The following PPP1R7 variants were observed in gnomAD, a reference collection of about 807,000 sequenced individuals.
PPP1R7 encodes the protein protein phosphatase 1 regulatory subunit 7, also known as protein phosphatase 1 regulatory subunit 22.
PPP1R7 carries 18 observed loss-of-function variants against 45.2 expected under a neutral mutation model. That is an observed-to-expected ratio of 0.40 (90% CI 0.28 to 0.59). The LOEUF (loss-of-function observed/expected upper bound fraction) is 0.59, where lower values mean the gene tolerates loss of function less well. Among genes scored for constraint, PPP1R7 ranks in the 20% least tolerant of loss-of-function variants. PPP1R7 has a pLI of 0.46. For synonymous variants in PPP1R7, 181 were observed against 183.4 expected (o/e 0.99, Z 0.11); for missense variants, 314 against 455.8 (o/e 0.69, Z 2.83).
chr2:241,150,339 G>A (rs2067228352), upstream of PPP1R7: 3 of 1,327,780 alleles, frequency 2.3e-6, no homozygotes. Context: ...CCTCATGACG[G>A]AACTACAACT....
chr2:241,150,501 GGCGGAACGCGGC>G lies in PPP1R7; in HGVS notation c.11_22del (p.Glu4_Ala7del). 1.3e-6 allele frequency: 2 copies of G among 1,598,550 alleles called. No homozygotes were observed. Among genetic ancestry groups the G allele is most frequent in the Non-Finnish European group, 1.7e-6 (2 of 1,173,734 alleles). The stretch of plus-strand genomic sequence containing the variant: ...AAAGGGGAAGAGCAGCCAACATGGC[GGCGGAACGCGGC>G]GCGGGGCAGCAACAGTCGCAGGAGA... On this transcript the variant is annotated inframe_deletion, in exon 1 of 10. Coordinates refer to ENST00000234038, the MANE Select transcript of PPP1R7 (RefSeq NM_002712.3).
At chr2:241,163,201 G>C (rs1232647016) in intron 6 of PPP1R7, 84 bp from the exon 7 acceptor site, 2 of 822,150 alleles carry the variant, frequency 2.4e-6, no homozygotes, top group African/African-American at 1.7e-5. Context: ...AGCCCACATA[G>C]CTCTGCCCCG....
intron 9 of PPP1R7, among the ~76,000 whole-genome samples, chr2:241,176,380 T>C (rs984093084): frequency 2.0e-5 from 3 of 152,208 alleles, no homozygotes; most frequent in Non-Finnish European, 4.4e-5. Context: ...ACTTGAAAAC[T>C]AGGGTGTTCA....
upstream of PPP1R7, chr2:241,149,926 C>A: frequency 7.0e-7 from 1 of 1,431,218 alleles, no homozygotes; most frequent in East Asian, 2.5e-5. Flanking sequence ...TGCCCGCCTG[C>A]TCCGAGCGTC....
At chr2:241,167,159 A>T in intron 8 of PPP1R7, 1 of 1,256,934 alleles carries the variant, frequency 8.0e-7, no homozygotes, top group South Asian at 1.4e-5. Context: ...CAAATAAAAG[A>T]CTTTTTCTCA....
At chr2:241,162,965 C>T (rs1032461782) in intron 6 of PPP1R7, among the ~76,000 whole-genome samples, 1 of 152,162 alleles carries the variant, frequency 6.6e-6, no homozygotes, top group Non-Finnish European at 1.5e-5. Context: ...CCACGCCCGA[C>T]AGGGGGACAT....
upstream of PPP1R7, chr2:241,149,751 G>A: frequency 1.3e-6 from 2 of 1,541,916 alleles, no homozygotes; most frequent in South Asian, 1.2e-5. Context: ...TCTTTCTGAA[G>A]GCGGAGGACG....
rs1373533214 is a variant in PPP1R7, at chr2:241,183,055, C to A, written c.*232C>A. ...GGGTGATTGTTGACAGTTATTGTAG[C>A]CACAGAGAGAACATAAGACACGTTG... On this transcript the variant is annotated 3_prime_UTR_variant, in exon 10 of 10. Transcript: ENST00000234038. 1.4e-5 allele frequency: 8 copies of A among 573,158 alleles called. No individual in the cohort carries two copies. Among genetic ancestry groups the A allele is most frequent in the African/African-American group, 1.3e-4 (7 of 53,338 alleles). The allele number at this position is 573,158 out of a possible 1,614,324, so 35.5% of individuals were successfully genotyped here. A position where few individuals can be genotyped will look rare whatever the true frequency, so the allele number is the denominator to read the frequency against.
intron 9 of PPP1R7, among the ~76,000 whole-genome samples, chr2:241,177,862 C>T (rs992002842): frequency 2.0e-5 from 3 of 152,228 alleles, no homozygotes; most frequent in South Asian, 2.1e-4. Context: ...TGTCTGATGC[C>T]GGCATGGAGC....
At chr2:241,174,337 A>G (rs1174445290) in intron 9 of PPP1R7, among the ~76,000 whole-genome samples, 3 of 152,162 alleles carry the variant, frequency 2.0e-5, no homozygotes, top group Non-Finnish European at 4.4e-5. Flanking sequence ...TAGTTCTTCG[A>G]CCAGCCTTTA....
chr2:241,180,013 T>TA (rs2067972541), intron 9 of PPP1R7, among the ~76,000 whole-genome samples: 1 of 152,196 alleles, frequency 6.6e-6, no homozygotes, highest in African/African-American at 2.4e-5. Flanking sequence ...CCATCTAGAC[T>TA]AATAATGACA....
intron 9 of PPP1R7, among the ~76,000 whole-genome samples, chr2:241,180,427 A>T (rs981461316): frequency 2.6e-5 from 4 of 151,630 alleles, no homozygotes; most frequent in Non-Finnish European, 4.4e-5. Context: ...AAATCGCAAA[A>T]AAATCTCAAA....
upstream of PPP1R7, chr2:241,149,670 G>A (rs2067190576): frequency 6.5e-6 from 10 of 1,546,210 alleles, no homozygotes; most frequent in African/African-American, 1.4e-5. Context: ...CCCCCGGGCC[G>A]GGCAGATGCG....
chr2:241,167,952 A>G (rs966961356), intron 8 of PPP1R7, among the ~76,000 whole-genome samples: 2 of 152,164 alleles, frequency 1.3e-5, no homozygotes, highest in African/African-American at 4.8e-5. Flanking sequence ...CCAGGTGGGA[A>G]CTTAGACGAC....
At chr2:241,150,314 A>T, upstream of PPP1R7, 5 of 1,330,046 alleles carry the variant, frequency 3.8e-6, no homozygotes, top group East Asian at 3.1e-5. Flanking sequence ...GCTCTGGGGG[A>T]GGCGCGGCGC....
chr2:241,168,706 C>T (rs2067763426), intron 8 of PPP1R7, among the ~76,000 whole-genome samples: 1 of 152,178 alleles, frequency 6.6e-6, no homozygotes, highest in South Asian at 2.1e-4. Context: ...TTGACACACG[C>T]AGCTGGTGCC....
chr2:241,166,957 C>T, intron 8 of PPP1R7: 1 of 1,125,318 alleles, frequency 8.9e-7, no homozygotes. Flanking sequence ...TGAGCAGCTT[C>T]CTCCTCCCCC....
intron 2 of PPP1R7, among the ~76,000 whole-genome samples, chr2:241,157,571 C>T (rs866794209): frequency 6.6e-6 from 1 of 152,204 alleles, no homozygotes; most frequent in African/African-American, 2.4e-5. Context: ...GTTTGGTGAC[C>T]TTTGCCAATA....
At chr2:241,175,230 TG>T (rs2067890488) in intron 9 of PPP1R7, among the ~76,000 whole-genome samples, 1 of 152,064 alleles carries the variant, frequency 6.6e-6, no homozygotes, top group Admixed American at 6.6e-5. Context: ...GTACAGTGAG[TG>T]GTATTCAGCA....
Sources: allele counts gnomAD v4.1 joint callset (sites outside exome capture counted in the v4.1 genomes callset), GRCh38; gene constraint gnomAD v4.1.1; transcripts MANE v1.5; gene names NCBI Gene and HGNC (gene_info 2026-07-23, HGNC 2026-07-21).